C7orf78: variants seen among roughly 807,000 people sequenced by gnomAD.
C7orf78 encodes chromosome 7 open reading frame 78, also known as putative uncharacterized protein C7orf78.
At chr7:12,530,012 A>AATGGTATACTGTCATGACAC in the C7orf78 span, among the ~76,000 whole-genome samples, 1 of 151,898 alleles carries the variant, frequency 6.6e-6, no homozygotes, top group Non-Finnish European at 1.5e-5. Context: ...TGCCACAGCA[A>AATGGTATACTGTCATGACAC]TGGTGGGGCT....
chr7:12,528,834 A>G, the C7orf78 span: 2 of 397,330 alleles, frequency 5.0e-6, no homozygotes, highest in Non-Finnish European at 8.9e-6. Context: ...AAAATGATAC[A>G]TCTGAGAGAC....
chr7:12,531,394 G>A, the C7orf78 span, among the ~76,000 whole-genome samples: 5 of 152,094 alleles, frequency 3.3e-5, 1 homozygote, highest in Admixed American at 3.3e-4. Flanking sequence ...GGGGAGGAGG[G>A]CAGATTAATG....
At chr7:12,528,195 A>G in the C7orf78 span, among the ~76,000 whole-genome samples, 1 of 151,268 alleles carries the variant, frequency 6.6e-6, no homozygotes, top group South Asian at 2.2e-4. Context: ...TTGAAATGGA[A>G]CATGTCTACT....
chr7:12,518,606 C>A, the C7orf78 span, among the ~76,000 whole-genome samples: 1 of 152,042 alleles, frequency 6.6e-6, no homozygotes, highest in African/African-American at 2.4e-5. Context: ...CTTCAGGTTC[C>A]TAGGGGGATA....
At chr7:12,532,548 CA>C in the C7orf78 span, among the ~76,000 whole-genome samples, 127 of 135,922 alleles carry the variant, frequency 9.3e-4, no homozygotes, top group East Asian at 2.3e-3. Flanking sequence ...GACTCTGTTT[CA>C]AAAAAAAAAA....
At chr7:12,484,828 C>G in the C7orf78 span, among the ~76,000 whole-genome samples, 355 of 149,430 alleles carry the variant, frequency 2.4e-3, 1 homozygote, top group African/African-American at 8.4e-3. Context: ...TTTTATGTTA[C>G]TTGGAATTTA....
chr7:12,504,062 CCTT>C, the C7orf78 span, among the ~76,000 whole-genome samples: 5 of 152,116 alleles, frequency 3.3e-5, no homozygotes, highest in Non-Finnish European at 5.9e-5. Flanking sequence ...ATTAAGTCAA[CCTT>C]CTTAAGCCCA....
chr7:12,507,668 C>T, the C7orf78 span, among the ~76,000 whole-genome samples: 1 of 152,174 alleles, frequency 6.6e-6, no homozygotes, highest in Non-Finnish European at 1.5e-5. Context: ...CTAACTGTCC[C>T]TGTGCAGTAA....
the C7orf78 span, chr7:12,525,835 C>T: frequency 2.5e-6 from 1 of 396,658 alleles, no homozygotes; most frequent in South Asian, 1.3e-4. Flanking sequence ...ACCTGGTTTA[C>T]CAAACTTTGA....
chr7:12,534,847 T>A, the C7orf78 span, among the ~76,000 whole-genome samples: 1 of 151,906 alleles, frequency 6.6e-6, no homozygotes, highest in Non-Finnish European at 1.5e-5. Flanking sequence ...TCAGCTACAC[T>A]AGAGGCTGAG....
chr7:12,514,047 G>T, the C7orf78 span, among the ~76,000 whole-genome samples: 2 of 152,094 alleles, frequency 1.3e-5, no homozygotes, highest in Admixed American at 1.3e-4. Context: ...GTAGTTGTTG[G>T]AGAAAATGTT....
the C7orf78 span, among the ~76,000 whole-genome samples, chr7:12,498,205 T>C: frequency 6.6e-6 from 1 of 152,068 alleles, no homozygotes; most frequent in South Asian, 2.1e-4. Context: ...ACGCAGCTCC[T>C]CACCAGCAAC....
chr7:12,503,879 G>A, the C7orf78 span, among the ~76,000 whole-genome samples: 1 of 152,126 alleles, frequency 6.6e-6, no homozygotes, highest in Admixed American at 6.6e-5. Context: ...GGAGGCTGAG[G>A]TGGAAGGATT....
the C7orf78 span, among the ~76,000 whole-genome samples, chr7:12,514,999 G>A: frequency 6.6e-6 from 1 of 152,140 alleles, no homozygotes; most frequent in East Asian, 1.9e-4. Flanking sequence ...TTAGTCTGAT[G>A]GAGGTAACTT....
the C7orf78 span, among the ~76,000 whole-genome samples, chr7:12,500,909 T>G: frequency 6.7e-6 from 1 of 148,310 alleles, no homozygotes; most frequent in African/African-American, 2.6e-5. Flanking sequence ...ATCCCTGGGA[T>G]GCAAGGCTGG....
chr7:12,500,503 A>G, the C7orf78 span, among the ~76,000 whole-genome samples: 7 of 150,332 alleles, frequency 4.7e-5, no homozygotes, highest in African/African-American at 1.7e-4. Flanking sequence ...ATTCCTTGAC[A>G]CATACACTCT....
the C7orf78 span, among the ~76,000 whole-genome samples, chr7:12,497,599 G>A: frequency 1.3e-5 from 2 of 151,224 alleles, no homozygotes; most frequent in Non-Finnish European, 2.9e-5. Flanking sequence ...ACGGAGTCTC[G>A]CTGATTGCTA....
chr7:12,490,771 T>C, the C7orf78 span, among the ~76,000 whole-genome samples: 1 of 150,938 alleles, frequency 6.6e-6, no homozygotes, highest in Admixed American at 6.6e-5. Context: ...GCAATCAGAT[T>C]TTTTTTTTTC....
the C7orf78 span, among the ~76,000 whole-genome samples, chr7:12,514,759 TC>T: frequency 6.6e-6 from 1 of 152,112 alleles, no homozygotes; most frequent in Admixed American, 6.5e-5. Context: ...TGATGACTGA[TC>T]CTTTCCCTTT....
Sources: allele counts gnomAD v4.1 joint callset (sites outside exome capture counted in the v4.1 genomes callset), GRCh38; gene constraint gnomAD v4.1.1; transcripts MANE v1.5; gene names NCBI Gene and HGNC (gene_info 2026-07-23, HGNC 2026-07-21).